The following DRAXIN variants were observed in gnomAD, a reference collection of about 807,000 sequenced individuals.
DRAXIN encodes dorsal repulsive axon guidance protein.
A neutral mutation model predicts 33.9 loss-of-function variants in DRAXIN; 27 were observed. The ratio of observed to expected loss-of-function variants is 0.80; its 90% CI spans 0.59 to 1.10. DRAXIN has a LOEUF of 1.10. DRAXIN is among the 50% of genes least tolerant of loss of function. The pLI, the probability that DRAXIN is intolerant of heterozygous loss-of-function variation, is 0.00. For synonymous variants in DRAXIN, 178 were observed against 194.0 expected, an observed-to-expected ratio of 0.92 and a Z score of 0.69; for missense variants, 371 against 460.8, an observed-to-expected ratio of 0.81 and a Z score of 1.78.
intron 5 of DRAXIN, among the ~76,000 whole-genome samples, chr1:11,713,670 C>T (rs912618246): frequency 2.0e-5 from 3 of 152,114 alleles, no homozygotes; most frequent in Non-Finnish European, 4.4e-5. Context: ...GGGAGGATCC[C>T]GTGAGCCCAG....
intron 5 of DRAXIN, among the ~76,000 whole-genome samples, chr1:11,714,188 G>A (rs971893749): frequency 6.7e-6 from 1 of 149,364 alleles, no homozygotes; most frequent in African/African-American, 2.4e-5. Context: ...TTGGGTGACA[G>A]AGCAAGACCC....
chr1:11,693,923 C>T (rs922968909), intron 1 of DRAXIN, among the ~76,000 whole-genome samples: 1 of 152,158 alleles, frequency 6.6e-6, no homozygotes, highest in Admixed American at 6.5e-5. Context: ...CCAGCATTGT[C>T]CCCTCTGCGT....
At chr1:11,713,660 G>A (rs1175005106) in intron 5 of DRAXIN, among the ~76,000 whole-genome samples, 10 of 152,280 alleles carry the variant, frequency 6.6e-5, no homozygotes, top group Middle Eastern at 3.4e-3. Flanking sequence ...AGGCCGAGGC[G>A]GGAGGATCCC....
At chr1:11,690,367 C>T (rs1195806399), upstream of DRAXIN, among the ~76,000 whole-genome samples, 1 of 152,150 alleles carries the variant, frequency 6.6e-6, no homozygotes, top group East Asian at 1.9e-4. This position sits in a 1 kb window ranked among gnomAD's most constrained non-coding sequence, Gnocchi z 4.2. Flanking sequence ...AATAATATCA[C>T]GGTAACAATG....
At position 11,719,767 on chromosome 1, in the gene DRAXIN, T is replaced by C. The variant is rs149919702; in HGVS notation, c.*71T>C. 9 of 1,341,874 alleles carry C rather than the reference T, an allele frequency of 6.7e-6. No homozygotes were observed. The highest frequency in any genetic ancestry group is 1.4e-5 in the African/African-American group (1 of 69,210). The allele number at this position is 1,341,874 out of a possible 1,614,324, so 83.1% of individuals were successfully genotyped here. A position where few individuals can be genotyped will look rare whatever the true frequency, so the allele number is the denominator to read the frequency against. On this transcript the variant is annotated 3_prime_UTR_variant, in exon 7 of 7. Coordinates refer to ENST00000294485, the MANE Select transcript of DRAXIN (RefSeq NM_198545.4). ...CGGGCGATTTGTTTGTAACTAGCAG[T>C]GGGAGATCAAGTTGGGGAACAGATG...
intron 1 of DRAXIN, among the ~76,000 whole-genome samples, chr1:11,703,781 A>C (rs1641337616): frequency 6.6e-6 from 1 of 152,116 alleles, no homozygotes; most frequent in Non-Finnish European, 1.5e-5. Flanking sequence ...GGAGGGAACA[A>C]AGATGGCATT....
At chr1:11,713,174 G>A (rs1641524240) in intron 5 of DRAXIN, among the ~76,000 whole-genome samples, 1 of 149,916 alleles carries the variant, frequency 6.7e-6, no homozygotes, top group Non-Finnish European at 1.5e-5. Flanking sequence ...CTCCAGCCTG[G>A]GCAATAAGAG....
At chr1:11,708,220 G>A (rs1307180290) in intron 2 of DRAXIN, among the ~76,000 whole-genome samples, 1 of 152,256 alleles carries the variant, frequency 6.6e-6, no homozygotes, top group Admixed American at 6.5e-5. Flanking sequence ...CTCCAGGGCT[G>A]CAGCCAGGCC....
chr1:11,707,208 A>T (rs182993085), intron 2 of DRAXIN, among the ~76,000 whole-genome samples: 24 of 152,280 alleles, frequency 1.6e-4, no homozygotes, highest in African/African-American at 5.8e-4. Context: ...CTCAAAAAAT[A>T]ATAATAATAA....
upstream of DRAXIN, chr1:11,691,599 G>A (rs940952649): frequency 1.3e-5 from 2 of 151,214 alleles, no homozygotes; most frequent in Admixed American, 6.6e-5. Flanking sequence ...CCCGGCCCCG[G>A]GGCTGCCCCT....
chr1:11,698,861 A>T (rs1332371660), intron 1 of DRAXIN, among the ~76,000 whole-genome samples: 4 of 152,188 alleles, frequency 2.6e-5, no homozygotes, highest in African/African-American at 9.7e-5. Context: ...TCTACAAACA[A>T]ACAAAAAAGC....
At chr1:11,713,828 C>G (rs1407099389) in intron 5 of DRAXIN, among the ~76,000 whole-genome samples, 4 of 152,114 alleles carry the variant, frequency 2.6e-5, no homozygotes, top group Non-Finnish European at 5.9e-5. Context: ...ATCACAAGGT[C>G]AGGAGTTCAA....
chr1:11,693,558 GTTC>G (rs1570303408), intron 1 of DRAXIN, among the ~76,000 whole-genome samples: 1 of 152,144 alleles, frequency 6.6e-6, no homozygotes, highest in East Asian at 1.9e-4. Context: ...CCCTGGCTGA[GTTC>G]TTATTTCAGC....
At chr1:11,715,243 G>A in intron 6 of DRAXIN, 35 bp downstream of exon 6, 1 of 1,613,134 alleles carries the variant, frequency 6.2e-7, no homozygotes, top group East Asian at 2.2e-5. Flanking sequence ...GGCTACCCAT[G>A]CTCTGAGAAC....
rs1212820700 is a variant in DRAXIN at position 11,722,301 on chromosome 1, G to A, written c.*2605G>A. On this transcript the variant is annotated 3_prime_UTR_variant, in exon 7 of 7. Transcript: ENST00000294485. The stretch of plus-strand genomic sequence containing the variant: ...GAAAGCCCAGCATTACTATGGCTGG[G>A]GGACAGCTGTTAGATGGTCCTAGGA... 6.6e-6 allele frequency: 1 copy of A among 152,242 alleles called. No homozygotes were observed. Among genetic ancestry groups the A allele is most frequent in the Non-Finnish European group, 1.5e-5 (1 of 68,104 alleles). 9.4% of individuals were successfully genotyped at this position (152,242 alleles called of 1,614,324 possible). A position where few individuals can be genotyped will look rare whatever the true frequency, so the allele number is the denominator to read the frequency against.
rs1259843390 is a variant in DRAXIN, at chr1:11,696,804, G to A, written c.-11+4951G>A. Among the ~76,000 whole-genome samples the A allele has an allele frequency of 6.6e-6, 1 of 152,078 alleles. No individual in the cohort carries two copies. The highest frequency in any genetic ancestry group is 1.5e-5 in the Non-Finnish European group (1 of 68,002). ...GGAGGCAATGAGCCTCCTGGTTTCA[G>A]TGAGCCAAGATCGCGCCACTGCACT... On this transcript the variant is annotated intron_variant, in intron 1 of 6. Coordinates refer to ENST00000294485, the MANE Select transcript of DRAXIN (RefSeq NM_198545.4). This position sits in a 1 kb window ranked among gnomAD's most constrained non-coding sequence, Gnocchi z 4.7.
At chr1:11,712,690 G>C (rs1641512990) in intron 5 of DRAXIN, among the ~76,000 whole-genome samples, 1 of 152,022 alleles carries the variant, frequency 6.6e-6, no homozygotes, top group Non-Finnish European at 1.5e-5. Flanking sequence ...CCTGAGGTCA[G>C]GAGTTTGAGA....
At chr1:11,710,480 GTGAGAC>G (rs1473008246) in intron 3 of DRAXIN, among the ~76,000 whole-genome samples, 1 of 151,928 alleles carries the variant, frequency 6.6e-6, no homozygotes, top group Non-Finnish European at 1.5e-5. Context: ...GGGCGACAGA[GTGAGAC>G]CCTGTCTCAA....
chr1:11,719,558 G>C (rs1286735597), intron 6 of DRAXIN, 26 bp from the exon 7 acceptor site: 2 of 1,588,074 alleles, frequency 1.3e-6, no homozygotes, highest in Admixed American at 1.7e-5. Flanking sequence ...TCGCGCCTCT[G>C]ACCCCCCTTG....
Sources: allele counts gnomAD v4.1 joint callset (sites outside exome capture counted in the v4.1 genomes callset), GRCh38; gene constraint gnomAD v4.1.1; non-coding constraint Gnocchi (gnomAD v3.1); transcripts MANE v1.5; gene names NCBI Gene and HGNC (gene_info 2026-07-23, HGNC 2026-07-21).